The following SIK3 variants were observed in gnomAD, a reference collection of about 807,000 sequenced individuals.
The protein encoded by SIK3 is serine/threonine-protein kinase SIK3.
A neutral mutation model predicts 144.2 loss-of-function variants in SIK3; 28 were observed. That is an observed-to-expected ratio of 0.19 (90% confidence interval 0.14 to 0.27). SIK3 has a LOEUF of 0.27. Ranked by LOEUF, SIK3 falls within the 10% of genes least tolerant of loss-of-function variation. The pLI is 1.00. For missense variants in SIK3, 1,319 were observed against 1,776.0 expected (o/e 0.74, Z 4.62); for synonymous variants, 686 against 676.3 (o/e 1.01, Z -0.22).
chr11:116,848,732 G>A (rs946705566), intron 22 of SIK3, among the ~76,000 whole-genome samples: 19 of 152,136 alleles, frequency 1.2e-4, no homozygotes, highest in African/African-American at 4.6e-4. Context: ...TGCTCTTAAG[G>A]TAGGCGAATT....
At chr11:116,978,580 T>C (rs1480234484) in intron 1 of SIK3, among the ~76,000 whole-genome samples, 1 of 152,136 alleles carries the variant, frequency 6.6e-6, no homozygotes. Context: ...CATAACTCAC[T>C]GTAGCTGTAA....
intron 1 of SIK3, among the ~76,000 whole-genome samples, chr11:117,095,738 T>A (rs1240680741): frequency 2.0e-5 from 3 of 152,222 alleles, no homozygotes; most frequent in African/African-American, 7.2e-5. Context: ...CCTTGTGAAT[T>A]AAGCTTCACT....
At chr11:116,938,849 A>G (rs1407967366) in intron 3 of SIK3, among the ~76,000 whole-genome samples, 1 of 152,192 alleles carries the variant, frequency 6.6e-6, no homozygotes. Context: ...GAATAATTTC[A>G]GTTTCAAAAG....
At chr11:116,854,585 T>A (rs1942723987) in intron 21 of SIK3, among the ~76,000 whole-genome samples, 1 of 152,118 alleles carries the variant, frequency 6.6e-6, no homozygotes, top group Non-Finnish European at 1.5e-5. Context: ...GCACCTACAG[T>A]AGAGTCTTGT....
intron 3 of SIK3, among the ~76,000 whole-genome samples, chr11:116,944,274 G>A (rs1405961982): frequency 6.6e-6 from 1 of 152,178 alleles, no homozygotes; most frequent in African/African-American, 2.4e-5. Flanking sequence ...TCTGCTCGGA[G>A]TGTCTCTGTC....
chr11:116,867,995 G>C lies in SIK3; in HGVS notation c.1903C>G (p.Pro635Ala). ...PDLQRQLGQQ[P>A]FRSRVWPPHL... ...GGAGGCCAGACCCGGGAACGGAAAG[G>C]CTGCTGTCCTAGCTGCCGTTGTAGG... is the stretch of plus-strand genomic sequence containing the variant. The change falls in exon 15 of 25, where the codon CCT becomes GCT. Residue 635 changes from proline (P) to alanine (A), a missense_variant. Coordinates refer to ENST00000445177, the MANE Select transcript of SIK3 (RefSeq NM_001366686.3). This position sits in a 1 kb window ranked among gnomAD's most constrained non-coding sequence, Gnocchi z 4.1. The C allele has an allele frequency of 1.3e-6, 2 of 1,550,446 alleles. No homozygotes were observed. The highest frequency in any genetic ancestry group is 2.4e-5 in the South Asian group (2 of 84,054).
intron 1 of SIK3, among the ~76,000 whole-genome samples, chr11:117,020,101 G>A (rs1231276570): frequency 6.6e-6 from 1 of 151,870 alleles, no homozygotes; most frequent in Non-Finnish European, 1.5e-5. Context: ...GGGGTTTGAC[G>A]AATGAGCCAG....
intron 1 of SIK3, among the ~76,000 whole-genome samples, chr11:117,027,110 G>A (rs1952042574): frequency 6.6e-6 from 1 of 152,160 alleles, no homozygotes; most frequent in African/African-American, 2.4e-5. Context: ...TCATTTGGTA[G>A]GAACATACAG....
intron 1 of SIK3, among the ~76,000 whole-genome samples, chr11:117,092,832 A>G (rs189033806): frequency 6.6e-6 from 1 of 152,314 alleles, no homozygotes; most frequent in East Asian, 1.9e-4. Flanking sequence ...GCCAGACTGA[A>G]GCCTGAAAAA....
chr11:117,028,721 A>G (rs181532351), intron 1 of SIK3, among the ~76,000 whole-genome samples: 7 of 152,298 alleles, frequency 4.6e-5, no homozygotes, highest in African/African-American at 9.6e-5. Flanking sequence ...ACTGGGAGCC[A>G]TATCAGGCAT....
intron 3 of SIK3, among the ~76,000 whole-genome samples, chr11:116,951,512 G>T (rs1948934929): frequency 6.6e-6 from 1 of 152,022 alleles, no homozygotes; most frequent in African/African-American, 2.4e-5. Context: ...AATGACAAAA[G>T]CCACAATTAC....
chr11:116,985,945 A>G (rs1228749928), intron 1 of SIK3, among the ~76,000 whole-genome samples: 1 of 152,174 alleles, frequency 6.6e-6, no homozygotes, highest in Non-Finnish European at 1.5e-5. Context: ...ATCAATTTAT[A>G]ATTTCAGATA....
At position 116,844,619 on chromosome 11, in the gene SIK3, A is replaced by ATATATATATTATATATATAT. The variant is rs1565345209; in HGVS notation, c.*1023_*1024insATATATATATAATATATATA. ...ATTTTATATATATATTATATATATA[A>ATATATATATTATATATATAT]TATATATATAATATATTATATTATA... On this transcript the variant is annotated 3_prime_UTR_variant, in exon 25 of 25. Transcript: ENST00000445177. 1 of 40,450 alleles carries ATATATATATTATATATATAT rather than the reference A, an allele frequency of 2.5e-5. No homozygotes were observed. Among genetic ancestry groups the ATATATATATTATATATATAT allele is most frequent in the Non-Finnish European group, 4.8e-5 (1 of 20,954 alleles). 2.5% of individuals were successfully genotyped at this position (40,450 alleles called of 1,614,324 possible).
At chr11:117,080,738 A>T (rs530860232) in intron 1 of SIK3, among the ~76,000 whole-genome samples, 1 of 152,206 alleles carries the variant, frequency 6.6e-6, no homozygotes, top group East Asian at 1.9e-4. Context: ...ACTCAAGGCC[A>T]GGAGTTCGTG....
At chr11:117,077,949 T>G (rs1954622315) in intron 1 of SIK3, among the ~76,000 whole-genome samples, 1 of 152,214 alleles carries the variant, frequency 6.6e-6, no homozygotes, top group Non-Finnish European at 1.5e-5. Context: ...TTAGGCTTTT[T>G]CAGGAAAGTC....
chr11:116,995,545 T>G (rs1296368229), intron 1 of SIK3, among the ~76,000 whole-genome samples: 1 of 152,090 alleles, frequency 6.6e-6, no homozygotes, highest in Non-Finnish European at 1.5e-5. Flanking sequence ...ATTACAGGTA[T>G]GAGCCGCCAC....
In SIK3 at chr11:116,939,643, G is replaced by A. The variant is rs190595988; in HGVS notation, c.455-12263C>T. ...AAGTGATGCAATAAAAAACTATGGA[G>A]CACTCCTGCTTCCCCTCCAAAAACT... On this transcript the variant is annotated intron_variant, in intron 3 of 24. Coordinates refer to ENST00000445177, the MANE Select transcript of SIK3 (RefSeq NM_001366686.3). Among the ~76,000 whole-genome samples, 627 of 152,278 alleles carry A rather than the reference G, an allele frequency of 4.1e-3. 8 individuals carry two copies. The highest frequency in any genetic ancestry group is 6.0e-3 in the Non-Finnish European group (406 of 68,020).
chr11:117,028,336 T>C lies in SIK3; in HGVS notation c.273+69807A>G, dbSNP rs747814702. On this transcript the variant is annotated intron_variant, in intron 1 of 24. Coordinates refer to ENST00000445177, the MANE Select transcript of SIK3 (RefSeq NM_001366686.3). ...AAATATTTATTAAACACCTACTACA[T>C]GCCAGATGCTAATCTCAAGCCCTCA... 7.9e-4 allele frequency among the ~76,000 whole-genome samples: 120 copies of C among 152,186 alleles called. 1 individual carries two copies. The highest frequency in any genetic ancestry group is 2.6e-4 in the Non-Finnish European group (18 of 68,038).
At chr11:116,960,275 C>G (rs555566926) in intron 1 of SIK3, among the ~76,000 whole-genome samples, 1 of 152,152 alleles carries the variant, frequency 6.6e-6, no homozygotes, top group East Asian at 1.9e-4. Context: ...CCTGTAATTC[C>G]AGCACTTTGG....
Sources: allele counts gnomAD v4.1 joint callset (sites outside exome capture counted in the v4.1 genomes callset), GRCh38; gene constraint gnomAD v4.1.1; non-coding constraint Gnocchi (gnomAD v3.1); transcripts MANE v1.5; gene names NCBI Gene and HGNC (gene_info 2026-07-23, HGNC 2026-07-21).